RAD51B: variants seen among roughly 807,000 people sequenced by gnomAD.
The protein encoded by RAD51B is DNA repair protein RAD51 homolog 2.
Under a neutral mutation model 42.2 loss-of-function variants are expected in RAD51B, and 38 were observed. That is an observed-to-expected ratio of 0.90 (90% CI 0.70 to 1.18). The LOEUF is 1.18. Among genes scored for constraint, RAD51B ranks in the 50% most tolerant of loss-of-function variants. RAD51B has a pLI of 0.00. For synonymous variants in RAD51B, 154 were observed against 145.2 expected (o/e 1.06, Z -0.43); for missense variants, 373 against 400.7 (o/e 0.93, Z 0.59).
rs1012832837 is a variant in RAD51B at position 68,357,640 on chromosome 14, G to A, written c.854-53784G>A. ...AAAATTACTCCTTGATCCATGGGCC[G>A]CAGCAGGCATGAAAACAACATTAAC... On this transcript the variant is annotated intron_variant, in intron 8 of 10. Transcript: ENST00000471583. Among the ~76,000 whole-genome samples, 7 of 152,086 alleles carry A rather than the reference G, an allele frequency of 4.6e-5. 1 individual carries two copies. The highest frequency in any genetic ancestry group is 1.4e-4 in the African/African-American group (6 of 41,410).
intron 11 of RAD51B, among the ~76,000 whole-genome samples, chr14:68,680,871 T>A (rs1177475523): frequency 6.6e-6 from 1 of 151,904 alleles, no homozygotes; most frequent in South Asian, 2.1e-4. Flanking sequence ...AGTTTAAACT[T>A]GGCAAGCAGA....
chr14:68,616,170 T>G (rs997064083), downstream of RAD51B, among the ~76,000 whole-genome samples: 2 of 152,222 alleles, frequency 1.3e-5, no homozygotes. Flanking sequence ...TTTAAAGAAA[T>G]TTTTAATGAA....
intron 7 of RAD51B, among the ~76,000 whole-genome samples, chr14:68,200,208 G>A (rs1011822142): frequency 6.6e-5 from 10 of 152,020 alleles, no homozygotes; most frequent in African/African-American, 1.4e-4. Flanking sequence ...TTCTTTTGTG[G>A]CACCTTCCTT....
At chr14:68,298,177 T>G (rs1279829196) in intron 8 of RAD51B, among the ~76,000 whole-genome samples, 2 of 108,132 alleles carry the variant, frequency 1.8e-5, no homozygotes, top group Non-Finnish European at 4.4e-5. Context: ...AAAGAAAGCT[T>G]AAATATTATG....
At chr14:68,151,605 T>C (rs2078381514) in intron 7 of RAD51B, among the ~76,000 whole-genome samples, 1 of 151,812 alleles carries the variant, frequency 6.6e-6, no homozygotes, top group African/African-American at 2.4e-5. Flanking sequence ...TCATTTTTCT[T>C]GGTTTTTTGT....
In RAD51B at chr14:68,256,542, C is replaced by T. The variant is rs1171542729; in HGVS notation, c.757-35342C>T. Among the ~76,000 whole-genome samples the T allele has an allele frequency of 3.9e-5, 6 of 152,294 alleles. No individual in the cohort carries two copies. In the East Asian group the frequency reaches 9.6e-4, roughly 24 times the overall value. ...ACTCATTCCAGTGGATCCCCAGGAA[C>T]AGCTCTACTGCTCTCAGCGAAAGAG... On this transcript the variant is annotated intron_variant, in intron 7 of 10. Coordinates refer to ENST00000471583, the MANE Select transcript of RAD51B (RefSeq NM_133510.4).
chr14:68,066,251 T>A (rs1466509456), intron 7 of RAD51B, among the ~76,000 whole-genome samples: 2 of 152,150 alleles, frequency 1.3e-5, no homozygotes, highest in Non-Finnish European at 2.9e-5. Flanking sequence ...CATGATTTCA[T>A]ATATTTGAGA....
At chr14:68,365,018 G>T (rs145671657) in intron 8 of RAD51B, among the ~76,000 whole-genome samples, 1 of 152,156 alleles carries the variant, frequency 6.6e-6, no homozygotes, top group African/African-American at 2.4e-5. Context: ...TTTGGTGAGG[G>T]AGTGAAGGTT....
chr14:67,872,906 A>G (rs867960071), intron 5 of RAD51B, among the ~76,000 whole-genome samples: 2 of 152,218 alleles, frequency 1.3e-5, no homozygotes, highest in Non-Finnish European at 2.9e-5. Flanking sequence ...CTGAAACTGG[A>G]TGCCTTCCTT....
intron 7 of RAD51B, among the ~76,000 whole-genome samples, chr14:68,116,439 A>G (rs1184493839): frequency 6.6e-6 from 1 of 152,114 alleles, no homozygotes; most frequent in Non-Finnish European, 1.5e-5. Context: ...GAAGTGATTC[A>G]TTCAAAAAAT....
chr14:68,213,970 A>G (rs1348771606), intron 7 of RAD51B, among the ~76,000 whole-genome samples: 1 of 152,244 alleles, frequency 6.6e-6, no homozygotes, highest in Non-Finnish European at 1.5e-5. Flanking sequence ...CTCTGGCATC[A>G]GGTTGATGGA....
At chr14:68,517,631 A>C (rs1354278540) in intron 10 of RAD51B, among the ~76,000 whole-genome samples, 1 of 152,202 alleles carries the variant, frequency 6.6e-6, no homozygotes, top group Admixed American at 6.5e-5. Flanking sequence ...TGCTACTTGT[A>C]GCATTTACAG....
At chr14:68,172,189 C>G (rs922307197) in intron 7 of RAD51B, among the ~76,000 whole-genome samples, 2 of 152,194 alleles carry the variant, frequency 1.3e-5, no homozygotes, top group African/African-American at 4.8e-5. Flanking sequence ...TCCCTCCTCC[C>G]TTAAATCGCC....
intron 7 of RAD51B, among the ~76,000 whole-genome samples, chr14:67,996,412 TAATAAATAAATAAATA>T (rs139583137): frequency 1.1e-4 from 16 of 147,482 alleles, no homozygotes; most frequent in South Asian, 2.2e-4. Flanking sequence ...ATAACAACAA[TAATAAATAAATAAATA>T]AATAAATAAA....
chr14:68,317,742 G>C (rs1163026211), intron 8 of RAD51B, among the ~76,000 whole-genome samples: 1 of 152,198 alleles, frequency 6.6e-6, no homozygotes, highest in South Asian at 2.1e-4. Context: ...GGGAAGAATT[G>C]CATTTGAGTT....
At position 67,999,570 on chromosome 14, in the gene RAD51B, C is replaced by T. The variant is rs1450857918; in HGVS notation, c.756+112366C>T. On this transcript the variant is annotated intron_variant, in intron 7 of 10. Coordinates refer to ENST00000471583, the MANE Select transcript of RAD51B (RefSeq NM_133510.4). ...CAGATAGGCTTTGGTTAAATCCCAA[C>T]TCCATGACTTACTATTGTATTATGC... 2.0e-5 allele frequency among the ~76,000 whole-genome samples: 3 copies of T among 152,216 alleles called. No individual in the cohort carries two copies. The South Asian group carries it at 6.2e-4, about 31-fold the overall frequency.
intron 7 of RAD51B, among the ~76,000 whole-genome samples, chr14:68,253,656 G>T (rs2139511801): frequency 6.6e-6 from 1 of 152,284 alleles, no homozygotes; most frequent in Non-Finnish European, 1.5e-5. Context: ...GCTAATAAGT[G>T]ATTTTGAAAA....
chr14:67,954,688 A>G (rs1036493136), intron 7 of RAD51B, among the ~76,000 whole-genome samples: 2 of 152,226 alleles, frequency 1.3e-5, no homozygotes, highest in Non-Finnish European at 1.5e-5. Flanking sequence ...GATTTAGGAG[A>G]TGAATGGGAG....
chr14:68,591,753 T>C (rs1890751059), intron 10 of RAD51B, among the ~76,000 whole-genome samples: 1 of 152,094 alleles, frequency 6.6e-6, no homozygotes. Context: ...CCTGCTACCA[T>C]GTGGTGCTCT....
Sources: allele counts gnomAD v4.1 joint callset (sites outside exome capture counted in the v4.1 genomes callset), GRCh38; gene constraint gnomAD v4.1.1; transcripts MANE v1.5; gene names NCBI Gene and HGNC (gene_info 2026-07-23, HGNC 2026-07-21).